Variants in GMDS observed in about 807,000 individuals in gnomAD.
GMDS encodes GDP-mannose 4,6 dehydratase.
A neutral mutation model predicts 49.9 loss-of-function variants in GMDS; 20 were observed. The observed-to-expected ratio is 0.40, with a 90% CI of 0.28 to 0.58. GMDS has a LOEUF of 0.58. Among genes scored for constraint, GMDS ranks in the 20% least tolerant of loss-of-function variants. The pLI is 0.42. For missense variants in GMDS, 362 were observed against 481.4 expected, an observed-to-expected ratio of 0.75 and a Z score of 2.32; for synonymous variants, 177 against 178.6, an observed-to-expected ratio of 0.99 and a Z score of 0.07.
chr6:1,806,676 T>A (rs1018525471), intron 7 of GMDS, among the ~76,000 whole-genome samples: 54 of 152,220 alleles, frequency 3.5e-4, no homozygotes, highest in Non-Finnish European at 1.0e-4. Context: ...TTAGGATTCT[T>A]ACATATCAAA....
intron 4 of GMDS, among the ~76,000 whole-genome samples, chr6:1,961,749 T>C (rs1043116027): frequency 6.6e-6 from 1 of 152,224 alleles, no homozygotes; most frequent in Non-Finnish European, 1.5e-5. Context: ...CTGGGCACAG[T>C]GCAAACAGGC....
intron 7 of GMDS, among the ~76,000 whole-genome samples, chr6:1,806,301 T>C (rs964556431): frequency 2.0e-5 from 3 of 152,178 alleles, no homozygotes; most frequent in African/African-American, 7.2e-5. Flanking sequence ...TCTTATAAAT[T>C]GAAAACTCGG....
intron 4 of GMDS, among the ~76,000 whole-genome samples, chr6:1,977,753 C>T (rs906485943): frequency 7.2e-5 from 11 of 152,182 alleles, no homozygotes; most frequent in South Asian, 2.1e-4. Context: ...TTGCAACCCA[C>T]GGATCAGGAG....
At chr6:1,652,614 A>ATTT (rs1763721447) in intron 9 of GMDS, among the ~76,000 whole-genome samples, 4 of 7,290 alleles carry the variant, frequency 5.5e-4, no homozygotes, top group South Asian at 4.1e-3. Context: ...TAATATATAT[A>ATTT]ATATATATTA....
intron 4 of GMDS, among the ~76,000 whole-genome samples, chr6:2,113,547 T>A (rs1312412990): frequency 6.6e-6 from 1 of 151,890 alleles, no homozygotes. Context: ...TCTCTTTGCC[T>A]CATATTATTA....
At chr6:1,756,563 T>C (rs1180159487) in intron 7 of GMDS, among the ~76,000 whole-genome samples, 1 of 152,080 alleles carries the variant, frequency 6.6e-6, no homozygotes, top group Non-Finnish European at 1.5e-5. Flanking sequence ...TGAGCCACCA[T>C]GCCCGGCTGG....
intron 7 of GMDS, among the ~76,000 whole-genome samples, chr6:1,853,425 G>A (rs940914750): frequency 6.9e-6 from 1 of 143,948 alleles, no homozygotes; most frequent in Non-Finnish European, 1.5e-5. Context: ...GGCTGAGGCA[G>A]GAGAATGGCG....
chr6:2,029,952 G>A (rs749472070), intron 4 of GMDS, among the ~76,000 whole-genome samples: 1 of 151,944 alleles, frequency 6.6e-6, no homozygotes, highest in Non-Finnish European at 1.5e-5. Context: ...GATTTTACTC[G>A]GTCCTAGTCA....
At chr6:1,950,063 G>A (rs1373785162) in intron 6 of GMDS, among the ~76,000 whole-genome samples, 1 of 152,166 alleles carries the variant, frequency 6.6e-6, no homozygotes, top group African/African-American at 2.4e-5. Flanking sequence ...ATTTTTTAAA[G>A]ATTATTTTAT....
At chr6:1,755,082 T>G (rs1328096308) in intron 7 of GMDS, among the ~76,000 whole-genome samples, 1 of 151,962 alleles carries the variant, frequency 6.6e-6, no homozygotes, top group African/African-American at 2.4e-5. Flanking sequence ...AGGAAGAGAG[T>G]AAGTCAAATT....
At chr6:1,776,275 G>A (rs574325864) in intron 7 of GMDS, among the ~76,000 whole-genome samples, 23 of 152,180 alleles carry the variant, frequency 1.5e-4, no homozygotes, top group Non-Finnish European at 1.3e-4. Context: ...TTGAACAAAC[G>A]ATGCAAAAAT....
At chr6:2,106,286 G>A (rs73716948) in intron 4 of GMDS, among the ~76,000 whole-genome samples, 12,150 of 152,118 alleles carry the variant, frequency 0.08, 1,609 homozygotes, top group African/African-American at 0.28. Context: ...AAATTCTTAC[G>A]CATTACATTT....
chr6:2,221,049 A>T (rs539489608), intron 1 of GMDS, among the ~76,000 whole-genome samples: 33 of 151,960 alleles, frequency 2.2e-4, no homozygotes, highest in African/African-American at 7.7e-4. Context: ...GGTAATGTAC[A>T]CCTGTAGTAC....
intron 7 of GMDS, among the ~76,000 whole-genome samples, chr6:1,757,043 C>T (rs1436421463): frequency 6.6e-6 from 1 of 152,156 alleles, no homozygotes; most frequent in Admixed American, 6.5e-5. Flanking sequence ...AAATCTACCA[C>T]AAAGAGCTAT....
At chr6:1,679,612 C>T (rs1047391134) in intron 9 of GMDS, 1 of 152,250 alleles carries the variant, frequency 6.6e-6, no homozygotes, top group Non-Finnish European at 1.5e-5. Flanking sequence ...TTGGGAGAAG[C>T]TCATCTCTCT....
Position 1,778,362 on chromosome 6 carries a change from T to C in GMDS, c.772-35776A>G, listed in dbSNP as rs1470357439. On this transcript the variant is annotated intron_variant, in intron 7 of 10. Coordinates refer to ENST00000380815, the MANE Select transcript of GMDS (RefSeq NM_001500.4). This position sits in a 1 kb window ranked among gnomAD's most constrained non-coding sequence, Gnocchi z 4.6. Reference sequence around the variant, plus strand: ...TAATGGAATACTGATTGAAGTCAATTATTATAACACCTGAAAGATAAATGA... The same window carrying C: ...TAATGGAATACTGATTGAAGTCAATCATTATAACACCTGAAAGATAAATGA... Among the ~76,000 whole-genome samples the C allele has an allele frequency of 6.6e-6, 1 of 152,166 alleles. No individual in the cohort carries two copies. The highest frequency in any genetic ancestry group is 1.5e-5 in the Non-Finnish European group (1 of 68,028).
intron 7 of GMDS, among the ~76,000 whole-genome samples, chr6:1,743,141 C>T (rs892888902): frequency 2.0e-5 from 3 of 152,100 alleles, no homozygotes; most frequent in Admixed American, 2.0e-4. Context: ...AAAACAACCA[C>T]GTAATGGAGA....
intron 1 of GMDS, among the ~76,000 whole-genome samples, chr6:2,155,170 C>T (rs1179785544): frequency 1.3e-5 from 2 of 152,046 alleles, no homozygotes; most frequent in African/African-American, 2.4e-5. Flanking sequence ...GCTTTATATG[C>T]CCAATCTGAT....
intron 4 of GMDS, among the ~76,000 whole-genome samples, chr6:1,968,048 ACAG>A (rs1205433581): frequency 6.6e-6 from 1 of 152,228 alleles, no homozygotes; most frequent in African/African-American, 2.4e-5. Flanking sequence ...GCTAGACCTC[ACAG>A]CAAATAAAAC....
Sources: allele counts gnomAD v4.1 joint callset (sites outside exome capture counted in the v4.1 genomes callset), GRCh38; gene constraint gnomAD v4.1.1; non-coding constraint Gnocchi (gnomAD v3.1); transcripts MANE v1.5; gene names NCBI Gene and HGNC (gene_info 2026-07-23, HGNC 2026-07-21).